The following ERBB4 variants were observed in gnomAD, a reference collection of about 807,000 sequenced individuals.
The protein encoded by ERBB4 is receptor tyrosine-protein kinase erbB-4.
In ERBB4, 42 loss-of-function variants were observed where a neutral mutation model predicts 158.0. The observed-to-expected ratio is 0.27, with a 90% CI of 0.21 to 0.34. The LOEUF (loss-of-function observed/expected upper bound fraction) is 0.34. Among genes scored for constraint, ERBB4 ranks in the 10% least tolerant of loss-of-function variants. The pLI is 1.00. For missense variants in ERBB4, 1,333 were observed against 1,624.1 expected (o/e 0.82, Z 3.08); for synonymous variants, 583 against 558.7 (o/e 1.04, Z -0.61).
intron 2 of ERBB4, among the ~76,000 whole-genome samples, chr2:212,077,005 A>G (rs1425932118): frequency 6.6e-6 from 1 of 152,062 alleles, no homozygotes; most frequent in African/African-American, 2.4e-5. Context: ...ACATGTCAAA[A>G]AATAGGATAG....
At chr2:212,261,846 A>G (rs1215268690) in intron 1 of ERBB4, among the ~76,000 whole-genome samples, 1 of 152,154 alleles carries the variant, frequency 6.6e-6, no homozygotes, top group Non-Finnish European at 1.5e-5. Context: ...AGTTAAAAGT[A>G]AAAATGCACT....
At chr2:212,447,774 T>TTGTGTGTG (rs3040357) in intron 1 of ERBB4, among the ~76,000 whole-genome samples, 23,577 of 147,058 alleles carry the variant, frequency 0.16, 2,041 homozygotes, top group Non-Finnish European at 0.21. Flanking sequence ...TCATAAAAGA[T>TTGTGTGTG]TGTGTGTGTG....
rs112077893 is a variant in ERBB4, at chr2:211,587,643, G to GA, written c.2302-25556dup. 5.3e-4 allele frequency among the ~76,000 whole-genome samples: 76 copies of GA among 143,820 alleles called. 1 individual carries two copies. Among genetic ancestry groups the GA allele is most frequent in the African/African-American group, 1.1e-3 (43 of 39,456 alleles). 94.4% of individuals were successfully genotyped at this position (143,820 alleles called of 152,430 possible). Reference sequence around the variant, plus strand: ...AGAATAAATTTCTGTCATTTTAAGGGAAAAAAAAAAAGTACAGTGAATATC... The same window carrying GA: ...AGAATAAATTTCTGTCATTTTAAGGGAAAAAAAAAAAAGTACAGTGAATATC... On this transcript the variant is annotated intron_variant, in intron 19 of 27. Coordinates refer to ENST00000342788, the MANE Select transcript of ERBB4 (RefSeq NM_005235.3).
At chr2:211,552,551 CA>C (rs202163402) in intron 20 of ERBB4, among the ~76,000 whole-genome samples, 3 of 147,594 alleles carry the variant, frequency 2.0e-5, no homozygotes, top group Non-Finnish European at 3.0e-5. Flanking sequence ...GGCAAAACAC[CA>C]AAAAAAAATA....
At chr2:212,211,660 T>TA (rs1156795560) in intron 1 of ERBB4, among the ~76,000 whole-genome samples, 1 of 151,062 alleles carries the variant, frequency 6.6e-6, no homozygotes, top group African/African-American at 2.4e-5. Flanking sequence ...GCAGGTTTGT[T>TA]ACATAGGTAT....
intron 1 of ERBB4, among the ~76,000 whole-genome samples, chr2:212,220,564 C>A (rs1166253078): frequency 6.6e-6 from 1 of 151,338 alleles, no homozygotes; most frequent in Non-Finnish European, 1.5e-5. Context: ...ATAGCAGGTG[C>A]TGACTTCTTG....
intron 1 of ERBB4, among the ~76,000 whole-genome samples, chr2:212,157,693 T>C (rs908736877): frequency 3.3e-5 from 5 of 152,108 alleles, no homozygotes; most frequent in Non-Finnish European, 7.4e-5. Context: ...AGTTTATCAA[T>C]TGATAAGTCT....
chr2:212,092,225 T>C (rs927772684), intron 2 of ERBB4, among the ~76,000 whole-genome samples: 2 of 152,234 alleles, frequency 1.3e-5, no homozygotes, highest in Admixed American at 6.5e-5. Flanking sequence ...TAGGGAATTA[T>C]ACATAGTTAT....
chr2:211,564,243 C>T (rs2067486585), intron 19 of ERBB4, among the ~76,000 whole-genome samples: 2 of 152,234 alleles, frequency 1.3e-5, no homozygotes, highest in South Asian at 2.1e-4. Context: ...TAATGTATAA[C>T]ACCAAAGGCT....
intron 3 of ERBB4, among the ~76,000 whole-genome samples, chr2:211,915,537 G>A (rs2125065395): frequency 6.6e-6 from 1 of 150,490 alleles, no homozygotes; most frequent in Non-Finnish European, 1.5e-5. Flanking sequence ...ATTTATTTTA[G>A]TTACATATGT....
At chr2:212,194,760 T>C (rs144588207) in intron 1 of ERBB4, among the ~76,000 whole-genome samples, 9 of 152,168 alleles carry the variant, frequency 5.9e-5, no homozygotes, top group African/African-American at 2.2e-4. Flanking sequence ...ATCTGAAGGT[T>C]TTTAAGAATT....
At chr2:211,828,934 T>C (rs1489699714) in intron 3 of ERBB4, among the ~76,000 whole-genome samples, 1 of 152,280 alleles carries the variant, frequency 6.6e-6, no homozygotes, top group East Asian at 1.9e-4. Flanking sequence ...CAGCTCAATT[T>C]TGCCTATTCA....
intron 1 of ERBB4, among the ~76,000 whole-genome samples, chr2:212,431,306 TAAAAAAAA>T (rs35419362): frequency 2.3e-5 from 2 of 86,876 alleles, no homozygotes; most frequent in East Asian, 3.0e-4. Context: ...CTGCTCATAT[TAAAAAAAA>T]AAAAAAAAAA....
chr2:211,546,605 A>G (rs1344621586), intron 20 of ERBB4, among the ~76,000 whole-genome samples: 3 of 152,130 alleles, frequency 2.0e-5, no homozygotes, highest in Non-Finnish European at 2.9e-5. Context: ...ATGAGGGTGT[A>G]CAAGTAGGAA....
At chr2:211,889,658 A>C (rs1484808701) in intron 3 of ERBB4, among the ~76,000 whole-genome samples, 1 of 145,272 alleles carries the variant, frequency 6.9e-6, no homozygotes, top group Non-Finnish European at 1.5e-5. Flanking sequence ...AAAACTTTGA[A>C]AAAAATTTAG....
Position 211,756,335 on chromosome 2 carries a change from T to C in ERBB4, c.557-5631A>G, listed in dbSNP as rs142914359. Among the ~76,000 whole-genome samples the C allele has an allele frequency of 9.2e-3, 1,394 of 152,226 alleles. 10 individuals are homozygous for C. Among genetic ancestry groups the C allele is most frequent in the Middle Eastern group, 0.017 (5 of 294 alleles). On this transcript the variant is annotated intron_variant, in intron 4 of 27. Transcript: ENST00000342788. The stretch of plus-strand genomic sequence containing the variant: ...AGCAGTAAAGGGAAGGGAAGGAGAA[T>C]TTCAGGCTGAATAGCTAGCCTAAGC...
chr2:211,806,765 AGCAAACT>A (rs1161730561), intron 3 of ERBB4, among the ~76,000 whole-genome samples: 3 of 152,224 alleles, frequency 2.0e-5, no homozygotes, highest in African/African-American at 7.2e-5. Flanking sequence ...AGAAAAAACA[AGCAAACT>A]GCACAAGGAA....
chr2:212,502,427 T>C (rs1053248268), intron 1 of ERBB4, among the ~76,000 whole-genome samples: 2 of 152,172 alleles, frequency 1.3e-5, no homozygotes, highest in Non-Finnish European at 1.5e-5. Flanking sequence ...ATTTTCCTGT[T>C]CTATAACTTA....
At position 212,192,067 on chromosome 2, in the gene ERBB4, A is replaced by ATATATGT. The variant is rs1553589261; in HGVS notation, c.83-67165_83-67164insACATATA. On this transcript the variant is annotated intron_variant, in intron 1 of 27. Transcript: ENST00000342788. ...ATATATGTTATATGTTATATATGTT[A>ATATATGT]TATGTTATATATATTATATATATTA... 2.5e-3 allele frequency among the ~76,000 whole-genome samples: 219 copies of ATATATGT among 89,012 alleles called. 6 individuals are homozygous for ATATATGT. The highest frequency in any genetic ancestry group is 2.6e-3 in the Non-Finnish European group (104 of 39,346). 58.4% of individuals were successfully genotyped at this position (89,012 alleles called of 152,430 possible). A position where few individuals can be genotyped will look rare whatever the true frequency, so the allele number is the denominator to read the frequency against.
Sources: gnomAD v4.1 joint callset for allele counts (sites outside exome capture counted in the v4.1 genomes callset) on GRCh38, gnomAD v4.1.1 for gene constraint, MANE v1.5 for transcripts, NCBI Gene and HGNC (gene_info 2026-07-23, HGNC 2026-07-21) for gene names.